Variants in DNM3 observed in about 807,000 individuals in gnomAD.
DNM3 encodes the protein dynamin 3, also known as dynamin-3.
DNM3 carries 47 observed loss-of-function variants against 101.6 expected under a neutral mutation model. The observed-to-expected ratio is 0.46, with a 90% CI of 0.37 to 0.59. The LOEUF (loss-of-function observed/expected upper bound fraction) is 0.59, where lower values mean the gene tolerates loss of function less well. DNM3 is among the 20% of genes least tolerant of loss of function. The probability of loss-of-function intolerance (pLI) is 0.00; values close to 1 mark genes in which losing one functional copy is unlikely to be tolerated. For missense variants in DNM3, 849 were observed against 1,085.7 expected (o/e 0.78, Z 3.06); for synonymous variants, 385 against 387.9 (o/e 0.99, Z 0.09).
intron 13 of DNM3, among the ~76,000 whole-genome samples, chr1:172,117,739 G>A (rs1483763398): frequency 6.6e-6 from 1 of 152,204 alleles, no homozygotes; most frequent in Non-Finnish European, 1.5e-5. Context: ...TGGAAGTGGA[G>A]AGAGGAGAAA....
chr1:172,129,063 G>T (rs542964687), intron 13 of DNM3, among the ~76,000 whole-genome samples: 1 of 152,248 alleles, frequency 6.6e-6, no homozygotes, highest in African/African-American at 2.4e-5. Context: ...ACATACTGAT[G>T]CCAGCACCCT....
intron 1 of DNM3, among the ~76,000 whole-genome samples, chr1:171,847,568 A>G (rs1166207187): frequency 1.3e-5 from 2 of 152,196 alleles, no homozygotes; most frequent in Non-Finnish European, 2.9e-5. Context: ...GATTAAAAAT[A>G]TAACTGGATG....
chr1:172,293,501 A>T (rs2064018331), intron 15 of DNM3, among the ~76,000 whole-genome samples: 1 of 152,246 alleles, frequency 6.6e-6, no homozygotes, highest in Non-Finnish European at 1.5e-5. Context: ...TATCTGCATG[A>T]TTGCAGCTGA....
intron 17 of DNM3, among the ~76,000 whole-genome samples, chr1:172,358,376 G>A (rs1438097664): frequency 1.3e-5 from 2 of 152,028 alleles, no homozygotes; most frequent in African/African-American, 4.8e-5. Flanking sequence ...AACACCAGTG[G>A]GAAGAAAGAA....
chr1:172,100,505 T>C (rs1255461343), intron 13 of DNM3, among the ~76,000 whole-genome samples: 1 of 152,302 alleles, frequency 6.6e-6, no homozygotes, highest in South Asian at 2.1e-4. Context: ...TAACAAAGAT[T>C]GCCAACATCC....
chr1:171,976,701 G>A (rs1415282194), intron 2 of DNM3, among the ~76,000 whole-genome samples: 3 of 152,032 alleles, frequency 2.0e-5, no homozygotes, highest in Admixed American at 6.6e-5. Context: ...TAATGTTGGC[G>A]GCAACTTGTG....
rs113995237 is a variant in DNM3, at chr1:172,115,989, G to A, written c.1546-15186G>A. Among the ~76,000 whole-genome samples, 1,319 of 152,136 alleles carry A rather than the reference G, an allele frequency of 8.7e-3. 27 individuals are homozygous for A. Among genetic ancestry groups the A allele is most frequent in the African/African-American group, 0.029 (1,186 of 41,508 alleles). ...AAAAAAAAATAGGTACTCAATTAAC[G>A]TAGTAAGTATTCAATAACCATCTAT... On this transcript the variant is annotated intron_variant, in intron 13 of 20. Coordinates refer to ENST00000627582, the MANE Select transcript of DNM3 (RefSeq NM_015569.5).
Position 172,314,158 on chromosome 1 carries a change from G to A in DNM3, c.1881+5319G>A, listed in dbSNP as rs189994310. On this transcript the variant is annotated intron_variant, in intron 16 of 20. Transcript: ENST00000627582. ...TTCTACAATAAAGACACATGCACAC[G>A]TATGTTTATTGCAGCACTGTTCACA... Among the ~76,000 whole-genome samples, 353 of 152,222 alleles carry A rather than the reference G, an allele frequency of 2.3e-3. 2 individuals carry two copies. Among genetic ancestry groups the A allele is most frequent in the African/African-American group, 8.0e-3 (332 of 41,502 alleles).
intron 13 of DNM3, among the ~76,000 whole-genome samples, chr1:172,095,937 G>T (rs1392058486): frequency 1.3e-5 from 2 of 152,182 alleles, no homozygotes; most frequent in Non-Finnish European, 2.9e-5. Context: ...TTCCACTCAT[G>T]TATTCAAAAC....
intron 16 of DNM3, 99 bp from the exon 17 acceptor site, chr1:172,323,230 T>G: frequency 2.4e-6 from 3 of 1,274,524 alleles, no homozygotes; most frequent in Non-Finnish European, 3.2e-6. Context: ...TTTATTTTTT[T>G]TAATATCCAG....
intron 1 of DNM3, among the ~76,000 whole-genome samples, chr1:171,852,494 A>G (rs1253872048): frequency 6.6e-6 from 1 of 152,200 alleles, no homozygotes; most frequent in Non-Finnish European, 1.5e-5. Context: ...GAGCTTGGTG[A>G]TCCAGTGGGT....
intron 13 of DNM3, among the ~76,000 whole-genome samples, chr1:172,125,376 G>A (rs746486987): frequency 7.9e-5 from 12 of 152,130 alleles, no homozygotes; most frequent in Non-Finnish European, 1.6e-4. Context: ...CCTTGTCTCT[G>A]TATTGATTTT....
At chr1:172,407,621 G>T in intron 20 of DNM3, 151 bp from the exon 21 acceptor site, 1 of 699,228 alleles carries the variant, frequency 1.4e-6, no homozygotes, top group Non-Finnish European at 2.4e-6. Context: ...AATGAAAGGT[G>T]ACAATGTTAA....
chr1:172,294,463 T>C (rs2064061920), intron 15 of DNM3, among the ~76,000 whole-genome samples: 1 of 152,222 alleles, frequency 6.6e-6, no homozygotes, highest in Non-Finnish European at 1.5e-5. Context: ...AACCAAGGAT[T>C]GGGGTAGACC....
At chr1:172,341,814 G>C (rs1031180712) in intron 17 of DNM3, among the ~76,000 whole-genome samples, 2 of 152,036 alleles carry the variant, frequency 1.3e-5, no homozygotes, top group Non-Finnish European at 2.9e-5. Context: ...TCTGGACATA[G>C]GAATTTGCAA....
chr1:172,306,144 G>A (rs1452383049), intron 15 of DNM3, among the ~76,000 whole-genome samples: 1 of 152,142 alleles, frequency 6.6e-6, no homozygotes, highest in Non-Finnish European at 1.5e-5. Context: ...CATCATCTCA[G>A]CCCAAAATCT....
At chr1:172,288,333 C>T (rs1557937378) in intron 15 of DNM3, among the ~76,000 whole-genome samples, 1 of 152,146 alleles carries the variant, frequency 6.6e-6, no homozygotes, top group Non-Finnish European at 1.5e-5. Context: ...GCAGAGTGAA[C>T]AGCATATGCC....
chr1:172,281,939 A>C (rs1245543175), intron 15 of DNM3, among the ~76,000 whole-genome samples: 2 of 152,232 alleles, frequency 1.3e-5, no homozygotes, highest in African/African-American at 4.8e-5. Flanking sequence ...ATTAAAAAAG[A>C]AAAATCTAAC....
intron 17 of DNM3, among the ~76,000 whole-genome samples, chr1:172,325,025 A>G (rs2065883642): frequency 6.6e-6 from 1 of 151,974 alleles, no homozygotes; most frequent in African/African-American, 2.4e-5. Context: ...ACATTTGTAA[A>G]ATTCACTCCC....
Sources: allele counts gnomAD v4.1 joint callset (sites outside exome capture counted in the v4.1 genomes callset), GRCh38; gene constraint gnomAD v4.1.1; transcripts MANE v1.5; gene names NCBI Gene and HGNC (gene_info 2026-07-23, HGNC 2026-07-21).